EPG5: variants seen among roughly 807,000 people sequenced by gnomAD.
EPG5 encodes ectopic P-granules 5 autophagy tethering factor.
Under a neutral mutation model 302.7 loss-of-function variants are expected in EPG5, and 159 were observed. That is an observed-to-expected ratio of 0.53 (90% CI 0.46 to 0.60). The LOEUF is 0.60. Among genes scored for constraint, EPG5 ranks in the 20% least tolerant of loss-of-function variants. The pLI is 0.00. For missense variants in EPG5, 2,896 were observed against 3,092.4 expected (o/e 0.94, Z 1.51); for synonymous variants, 1,158 against 1,136.8 (o/e 1.02, Z -0.37).
intron 27 of EPG5, among the ~76,000 whole-genome samples, chr18:45,891,547 T>G (rs951394460): frequency 6.6e-6 from 1 of 151,540 alleles, no homozygotes; most frequent in African/African-American, 2.4e-5. Flanking sequence ...GTCCTTCCTA[T>G]TTGTTTTACT....
intron 27 of EPG5, among the ~76,000 whole-genome samples, chr18:45,892,644 C>T (rs950351108): frequency 1.3e-4 from 20 of 152,310 alleles, no homozygotes; most frequent in Middle Eastern, 6.8e-3. Context: ...CCCCAGGGAA[C>T]ATCACTGAAT....
the EPG5 span, among the ~76,000 whole-genome samples, chr18:45,818,666 T>C: frequency 1.1e-4 from 16 of 152,188 alleles, no homozygotes; most frequent in Non-Finnish European, 2.1e-4. Context: ...CTACCATACA[T>C]GCTGCAAATG....
chr18:45,842,686 C>G (rs1443454371), downstream of EPG5: 1 of 158,716 alleles, frequency 6.3e-6, no homozygotes, highest in Non-Finnish European at 1.4e-5. Flanking sequence ...TTCTTCCCTC[C>G]TGGCTGGGAG....
At chr18:45,838,759 G>A in the EPG5 span, 33 of 1,581,218 alleles carry the variant, frequency 2.1e-5, no homozygotes, top group Admixed American at 1.0e-4. Flanking sequence ...GCCCAGTCCG[G>A]CTCACGCCTT....
Position 45,850,804 on chromosome 18 carries a change from A to G in EPG5, c.*1663T>C, listed in dbSNP as rs1000582678. ...ATATCCTCCTCAAAGAAAACACAAA[A>G]TATTTCCAAACAAAAATCGCTGTTG... On this transcript the variant is annotated 3_prime_UTR_variant, in exon 44 of 44. Coordinates refer to ENST00000282041, the MANE Select transcript of EPG5 (RefSeq NM_020964.3). The G allele has an allele frequency of 1.3e-5, 2 of 152,680 alleles. No individual in the cohort carries two copies. The highest frequency in any genetic ancestry group is 6.5e-5 in the Admixed American group (1 of 15,286). The allele number at this position is 152,680 out of a possible 1,614,324, so 9.5% of individuals were successfully genotyped here.
intron 11 of EPG5, among the ~76,000 whole-genome samples, chr18:45,933,974 C>A (rs28757795): frequency 6.6e-6 from 1 of 151,670 alleles, no homozygotes; most frequent in East Asian, 1.9e-4. Context: ...TTTTTCATTT[C>A]GAACATTATA....
Position 45,944,698 on chromosome 18 carries a change from T to C in EPG5, c.1678-579A>G, listed in dbSNP as rs967074499. ...TGAACCTGGGAGTCGGAGGTTGCAG[T>C]GAGCCGAGATCACACCATTGCACTC... On this transcript the variant is annotated intron_variant, in intron 7 of 43. Transcript: ENST00000282041. Among the ~76,000 whole-genome samples the C allele has an allele frequency of 1.7e-4, 25 of 151,164 alleles. 1 individual carries two copies. Among genetic ancestry groups the C allele is most frequent in the Admixed American group, 6.6e-4 (10 of 15,208 alleles).
the EPG5 span, among the ~76,000 whole-genome samples, chr18:45,814,007 T>G: frequency 1.3e-5 from 2 of 152,246 alleles, no homozygotes. Flanking sequence ...AGTAAAAATT[T>G]GAAATGGGAG....
the EPG5 span, among the ~76,000 whole-genome samples, chr18:45,808,606 C>G: frequency 5.1e-4 from 77 of 152,140 alleles, no homozygotes; most frequent in Non-Finnish European, 9.6e-4. Flanking sequence ...TATCAACCAA[C>G]AATTTTGTAT....
At chr18:45,838,392 C>G in the EPG5 span, 6 of 451,588 alleles carry the variant, frequency 1.3e-5, no homozygotes, top group Admixed American at 4.2e-5. Context: ...CTCTAGCCCC[C>G]ACCCTGCTCT....
Position 45,922,331 on chromosome 18 carries a change from A to T in EPG5, c.3098+10T>A. The T allele has an allele frequency of 1.2e-6, 2 of 1,613,974 alleles. No homozygotes were observed. The highest frequency in any genetic ancestry group is 1.7e-6 in the Non-Finnish European group (2 of 1,179,870). On this transcript the variant is annotated intron_variant, in intron 16 of 43. Coordinates refer to ENST00000282041, the MANE Select transcript of EPG5 (RefSeq NM_020964.3). ...TTCAGTAACCCTAGTGGTTCAGCCCAACACTGTACCTGTGGCCCACAGCTG... is the reference window on the plus strand; with the variant it reads ...TTCAGTAACCCTAGTGGTTCAGCCCTACACTGTACCTGTGGCCCACAGCTG...
chr18:45,880,363 G>A (rs987291352), intron 31 of EPG5, 140 bp from the exon 32 acceptor site: 3 of 795,106 alleles, frequency 3.8e-6, no homozygotes, highest in African/African-American at 3.5e-5. Flanking sequence ...TATCTGGGGT[G>A]AGGAGGCCCA....
At chr18:45,847,356 C>G (rs564989062), downstream of EPG5, among the ~76,000 whole-genome samples, 4 of 152,318 alleles carry the variant, frequency 2.6e-5, no homozygotes, top group East Asian at 7.7e-4. Flanking sequence ...TCTTACCAAG[C>G]TCAAGGCCAC....
Position 45,967,185 on chromosome 18 carries a change from T to C in EPG5, c.55A>G (p.Lys19Glu). 4 of 1,603,576 alleles carry C rather than the reference T, an allele frequency of 2.5e-6. No individual in the cohort carries two copies. Among genetic ancestry groups the C allele is most frequent in the Non-Finnish European group, 3.4e-6 (4 of 1,175,172 alleles). ...GTGGGGGAGATCCTCACCTTTGTTT[T>C]AGTCCGGCTGGCCTTGGCCTTGGCC... ...RRAKAKASRT[K>E]TKEKKKYETP... The change falls in exon 1 of 44, where the codon AAA becomes GAA. Residue 19 changes from lysine (K) to glutamate (E), a missense_variant. Physicochemically the swap from Lys to Glu is moderately conservative, Grantham distance 56 (BLOSUM62 1). Coordinates refer to ENST00000282041, the MANE Select transcript of EPG5 (RefSeq NM_020964.3).
At chr18:45,925,972 A>G in intron 13 of EPG5, 70 bp from the exon 14 acceptor site, 1 of 976,698 alleles carries the variant, frequency 1.0e-6, no homozygotes, top group South Asian at 4.7e-5. Context: ...ACAATATTAT[A>G]TTATTAAACT....
the EPG5 span, among the ~76,000 whole-genome samples, chr18:45,811,546 C>A: frequency 6.6e-6 from 1 of 152,138 alleles, no homozygotes; most frequent in Non-Finnish European, 1.5e-5. Flanking sequence ...AATCCAGCAG[C>A]ACATCAAAAA....
chr18:45,886,390 T>G (rs150723851), intron 29 of EPG5, among the ~76,000 whole-genome samples: 564 of 152,326 alleles, frequency 3.7e-3, no homozygotes, highest in African/African-American at 0.013. Context: ...CTGTATTTAT[T>G]AACATGAAAT....
In EPG5 at chr18:45,954,566, A is replaced by G. The variant is rs1202177538; in HGVS notation, c.836T>C (p.Phe279Ser). The change falls in exon 2 of 44, where the codon TTT becomes TCT. Residue 279 changes from phenylalanine to serine, a missense_variant. Physicochemically the swap from Phe to Ser is radical, Grantham distance 155. Coordinates refer to ENST00000282041, the MANE Select transcript of EPG5 (RefSeq NM_020964.3). ...LENVESYLEE[F>S]DSMAHQDRHE... is the part of the protein sequence containing the mutation. ...CCTGTCTTGATGAGCCATGCTGTCA[A>G]ATTCTTCTAAATATGACTCAACATT... is the stretch of plus-strand genomic sequence containing the variant. The G allele has an allele frequency of 6.2e-7, 1 of 1,614,262 alleles. No individual in the cohort carries two copies.
At chr18:45,923,648 C>T (rs1369712174) in intron 14 of EPG5, among the ~76,000 whole-genome samples, 1 of 152,186 alleles carries the variant, frequency 6.6e-6, no homozygotes, top group African/African-American at 2.4e-5. Context: ...TGAATGTCAT[C>T]CCCCATTCCA....
Sources: gnomAD v4.1 joint callset for allele counts (sites outside exome capture counted in the v4.1 genomes callset) on GRCh38, gnomAD v4.1.1 for gene constraint, MANE v1.5 for transcripts, NCBI Gene and HGNC (gene_info 2026-07-23, HGNC 2026-07-21) for gene names.